Variants in NT5C3A observed in about 807,000 individuals in gnomAD.
The protein encoded by NT5C3A is 5'-nucleotidase, cytosolic IIIA.
Under a neutral mutation model 40.0 loss-of-function variants are expected in NT5C3A, and 23 were observed. The observed-to-expected ratio is 0.58, with a 90% CI of 0.41 to 0.81. The LOEUF (loss-of-function observed/expected upper bound fraction) is 0.81, where lower values mean the gene tolerates loss of function less well. Among genes scored for constraint, NT5C3A ranks in the 40% least tolerant of loss-of-function variants. NT5C3A has a pLI of 0.00. For synonymous variants in NT5C3A, 130 were observed against 141.4 expected (o/e 0.92, Z 0.57); for missense variants, 328 against 403.0 (o/e 0.81, Z 1.59).
chr7:33,034,039 C>T (rs552028642), intron 1 of NT5C3A, among the ~76,000 whole-genome samples: 7 of 151,478 alleles, frequency 4.6e-5, no homozygotes, highest in African/African-American at 7.3e-5. Flanking sequence ...TACAGGTGCC[C>T]GCCACCACGC....
chr7:33,031,593 A>T (rs6965942), intron 1 of NT5C3A, among the ~76,000 whole-genome samples: 127,462 of 151,952 alleles, frequency 0.84, 53,966 homozygotes, highest in African/African-American at 0.96. Context: ...TCTCAAAAAA[A>T]AAATAAATAA....
At chr7:33,062,351 G>A (rs1787812595) in intron 1 of NT5C3A, among the ~76,000 whole-genome samples, 2 of 152,218 alleles carry the variant, frequency 1.3e-5, no homozygotes, top group South Asian at 4.1e-4. Context: ...CCGCAGCCGG[G>A]GACCCAACCC....
At chr7:33,035,385 G>A (rs866737565) in intron 1 of NT5C3A, among the ~76,000 whole-genome samples, 9 of 151,760 alleles carry the variant, frequency 5.9e-5, no homozygotes, top group Middle Eastern at 6.3e-3. Context: ...AGTAGAGATG[G>A]GGTTTCACTG....
intron 1 of NT5C3A, among the ~76,000 whole-genome samples, chr7:33,054,864 T>C (rs908992878): frequency 7.2e-5 from 11 of 152,194 alleles, no homozygotes; most frequent in Non-Finnish European, 7.4e-5. Flanking sequence ...TGCATTCATT[T>C]TGGAGTACTG....
chr7:33,023,422 C>T (rs144630165), intron 3 of NT5C3A, among the ~76,000 whole-genome samples: 2,324 of 152,100 alleles, frequency 0.015, 62 homozygotes, highest in African/African-American at 0.052. Context: ...CCATGCCCAG[C>T]TAATTTTTGT....
chr7:33,031,037 C>G (rs572639467), intron 1 of NT5C3A, among the ~76,000 whole-genome samples: 62 of 150,312 alleles, frequency 4.1e-4, no homozygotes, highest in Middle Eastern at 6.8e-3. Context: ...GGGGCGGAGC[C>G]TGCAGTGAGC....
chr7:33,058,524 T>A (rs538378874), intron 1 of NT5C3A, among the ~76,000 whole-genome samples: 1 of 152,132 alleles, frequency 6.6e-6, no homozygotes, highest in Admixed American at 6.5e-5. Flanking sequence ...TTTGTTTTTT[T>A]ATTTTTAGTA....
At chr7:33,041,102 T>C (rs371582364) in intron 1 of NT5C3A, 1 of 985,208 alleles carries the variant, frequency 1.0e-6, no homozygotes, top group Non-Finnish European at 1.2e-6. Flanking sequence ...ATTGAAGTTA[T>C]GTGACGATTA....
At chr7:33,042,108 G>A (rs902044985) in intron 1 of NT5C3A, among the ~76,000 whole-genome samples, 1 of 152,106 alleles carries the variant, frequency 6.6e-6, no homozygotes, top group Non-Finnish European at 1.5e-5. Context: ...AAGCCTAGGC[G>A]GGTGGATCAC....
At chr7:33,057,748 G>T (rs1358513655) in intron 1 of NT5C3A, among the ~76,000 whole-genome samples, 2 of 152,004 alleles carry the variant, frequency 1.3e-5, no homozygotes, top group African/African-American at 4.8e-5. Flanking sequence ...TTAAGTAATA[G>T]TTGACGTTAA....
chr7:33,033,895 A>ATATATATATATAAT (rs1562595149), intron 1 of NT5C3A, among the ~76,000 whole-genome samples: 2 of 137,170 alleles, frequency 1.5e-5, no homozygotes, highest in African/African-American at 5.6e-5. Flanking sequence ...TATATATATA[A>ATATATATATATAAT]TTTTTTTTTT....
At chr7:33,029,757 A>G in intron 1 of NT5C3A, 1 of 1,201,822 alleles carries the variant, frequency 8.3e-7, no homozygotes, top group Non-Finnish European at 1.1e-6. Context: ...TATAGAGATA[A>G]GGTCTTGCTG....
In NT5C3A at chr7:33,062,129, G is replaced by A. The variant is rs145779104; in HGVS notation, c.138+439C>T. On this transcript the variant is annotated intron_variant, in intron 1 of 8. Transcript: ENST00000610140. ...CCCAACATAAAACTAGTCCTCTGCGGGAATTGCAACTAGATTAGCGGCAAC... is the reference window on the plus strand; with the variant it reads ...CCCAACATAAAACTAGTCCTCTGCGAGAATTGCAACTAGATTAGCGGCAAC... Among the ~76,000 whole-genome samples the A allele has an allele frequency of 9.5e-4, 144 of 152,238 alleles. 4 individuals carry two copies. The East Asian group carries it at 0.022, about 24-fold the overall frequency.
At chr7:33,021,244 A>ATC in intron 5 of NT5C3A, 28 bp downstream of exon 5, 2 of 1,608,968 alleles carry the variant, frequency 1.2e-6, no homozygotes, top group Non-Finnish European at 1.7e-6. Context: ...TTTTTTTTTA[A>ATC]TCCTCCTACT....
Position 33,015,868 on chromosome 7 carries a change from C to T in NT5C3A, c.696G>A (p.Gly232=). The T allele has an allele frequency of 6.3e-7, 1 of 1,596,818 alleles. No individual in the cohort carries two copies. The highest frequency in any genetic ancestry group is 8.6e-7 in the Non-Finnish European group (1 of 1,164,440). Residue 232 remains glycine (G), a splice_region_variant and synonymous_variant, in exon 8 of 9, where the codon GGG becomes GGA. Transcript: ENST00000610140. ...VSNFMDFDET[G]VLKGFKGELI... ...GTTCTCCTTTAAATCCTTTGAGCAC[C>T]CCCTATGAAAAATATAAATCTTTTG...
intron 5 of NT5C3A, among the ~76,000 whole-genome samples, chr7:33,020,007 TAAAAACTC>T: frequency 6.6e-6 from 1 of 152,290 alleles, no homozygotes; most frequent in African/African-American, 2.4e-5. Flanking sequence ...ATTCTACACA[TAAAAACTC>T]AACCCAACCT....
intron 2 of NT5C3A, among the ~76,000 whole-genome samples, chr7:33,025,593 T>A (rs899782161): frequency 6.6e-6 from 1 of 152,206 alleles, no homozygotes; most frequent in South Asian, 2.1e-4. Context: ...TGAACTACTA[T>A]GATTAAAACA....
Position 33,047,777 on chromosome 7 carries a change from C to T in NT5C3A, c.138+14791G>A, listed in dbSNP as rs146351624. 7.9e-3 allele frequency among the ~76,000 whole-genome samples: 1,201 copies of T among 152,094 alleles called. 5 individuals are homozygous for T. Among genetic ancestry groups the T allele is most frequent in the Non-Finnish European group, 0.012 (799 of 67,978 alleles). On this transcript the variant is annotated intron_variant, in intron 1 of 8. Transcript: ENST00000610140. ...TCATCTAGATTCACTTTTATATCAA[C>T]GTGTATTGTATGATATAAAAAGAAT...
intron 1 of NT5C3A, among the ~76,000 whole-genome samples, chr7:33,034,980 A>G (rs1213872522): frequency 6.6e-6 from 1 of 152,102 alleles, no homozygotes; most frequent in Non-Finnish European, 1.5e-5. Flanking sequence ...CTTTCCACAC[A>G]TGCAAATAAA....
Sources: allele counts gnomAD v4.1 joint callset (sites outside exome capture counted in the v4.1 genomes callset), GRCh38; gene constraint gnomAD v4.1.1; transcripts MANE v1.5; gene names NCBI Gene and HGNC (gene_info 2026-07-23, HGNC 2026-07-21).